Variants in FRYL observed in about 807,000 individuals in gnomAD.
The protein encoded by FRYL is protein furry homolog-like.
FRYL carries 150 observed loss-of-function variants against 351.2 expected under a neutral mutation model. The observed-to-expected ratio is 0.43, with a 90% CI of 0.37 to 0.49. The LOEUF is 0.49. Among genes scored for constraint, FRYL ranks in the 20% least tolerant of loss-of-function variants. The pLI, the probability that FRYL is intolerant of heterozygous loss-of-function variation, is 0.00. For synonymous variants in FRYL, 1,153 were observed against 1,257.1 expected (o/e 0.92, Z 1.75); for missense variants, 3,036 against 3,619.3 (o/e 0.84, Z 4.13).
chr4:48,592,283 T>C (rs918326414), intron 16 of FRYL, among the ~76,000 whole-genome samples: 1 of 151,870 alleles, frequency 6.6e-6, no homozygotes, highest in African/African-American at 2.4e-5. Context: ...TATACATTCT[T>C]TCAGTGTATT....
chr4:48,499,557 G>A lies in FRYL; in HGVS notation c.8907C>T (p.Asn2969=), dbSNP rs200446915. Residue 2969 remains asparagine (N), a synonymous_variant, in exon 64 of 64, where the codon AAC becomes AAT. Coordinates refer to ENST00000358350, the MANE Select transcript of FRYL (RefSeq NM_015030.2). ...TGTAGTTGGCTTCTGACATGTCCAG[G>A]TTAGAGCCTATAACTGCAAAGCTTC... is the stretch of plus-strand genomic sequence containing the variant. ...QTGSFAVIGS[N]LDMSEANYKL... 9 of 1,614,082 alleles carry A rather than the reference G, an allele frequency of 5.6e-6. No individual in the cohort carries two copies. The highest frequency in any genetic ancestry group is 7.6e-6 in the Non-Finnish European group (9 of 1,180,002).
chr4:48,510,788 G>A (rs1000653866), intron 58 of FRYL, 47 bp downstream of exon 58: 6 of 1,418,380 alleles, frequency 4.2e-6, no homozygotes, highest in Non-Finnish European at 5.9e-6. Flanking sequence ...ACTGAATGAT[G>A]CCATTCCAAT....
intron 53 of FRYL, among the ~76,000 whole-genome samples, chr4:48,527,084 G>A (rs1277499835): frequency 2.6e-5 from 4 of 152,176 alleles, no homozygotes; most frequent in Admixed American, 1.3e-4. Context: ...ATATGTACAT[G>A]AGAGTTGATG....
intron 3 of FRYL, among the ~76,000 whole-genome samples, chr4:48,678,507 CAAAAAAAAAAAAAA>C (rs10639089): frequency 1.4e-5 from 1 of 71,770 alleles, no homozygotes; most frequent in Non-Finnish European, 2.4e-5. Flanking sequence ...AACTCCATCT[CAAAAAAAAAAAAAA>C]AAAAAAAAAA....
chr4:48,765,796 C>T (rs956834922), intron 1 of FRYL, among the ~76,000 whole-genome samples: 9 of 152,022 alleles, frequency 5.9e-5, no homozygotes, highest in African/African-American at 2.2e-4. Flanking sequence ...AACTCAATAA[C>T]AACAGTAAAA....
chr4:48,615,112 C>G (rs1200308018), intron 7 of FRYL, among the ~76,000 whole-genome samples: 1 of 152,134 alleles, frequency 6.6e-6, no homozygotes, highest in African/African-American at 2.4e-5. Context: ...AGGCGTGAGC[C>G]ACCGCGCCCG....
intron 4 of FRYL, among the ~76,000 whole-genome samples, chr4:48,630,462 A>T (rs1752728223): frequency 6.6e-6 from 1 of 152,170 alleles, no homozygotes; most frequent in Non-Finnish European, 1.5e-5. Flanking sequence ...TCAGAAGAAG[A>T]TAGGTAAATG....
chr4:48,670,441 T>TATATAC (rs1157170612), intron 3 of FRYL, among the ~76,000 whole-genome samples: 1 of 150,296 alleles, frequency 6.7e-6, no homozygotes, highest in Admixed American at 6.7e-5. Context: ...TCGAAATATA[T>TATATAC]ATATACATAT....
At chr4:48,547,465 C>A (rs1270503218) in intron 41 of FRYL, 119 bp downstream of exon 41, 1 of 498,816 alleles carries the variant, frequency 2.0e-6, no homozygotes, top group Admixed American at 3.8e-5. Flanking sequence ...AATAATACAA[C>A]TACATTTTTA....
At position 48,565,520 on chromosome 4, in the gene FRYL, T is replaced by C. The variant is rs771641009; in HGVS notation, c.3330+11A>G. ...CTTAAGAAAAAAGAAATCAGGTTTC[T>C]AAGTAAATACCTTTAACGCACAGTA... On this transcript the variant is annotated intron_variant, in intron 29 of 63. Coordinates refer to ENST00000358350, the MANE Select transcript of FRYL (RefSeq NM_015030.2). 22 of 1,531,760 alleles carry C rather than the reference T, an allele frequency of 1.4e-5. No homozygotes were observed. Among genetic ancestry groups the C allele is most frequent in the Non-Finnish European group, 1.8e-5 (21 of 1,143,050 alleles). 94.9% of individuals were successfully genotyped at this position (1,531,760 alleles called of 1,614,324 possible).
intron 3 of FRYL, among the ~76,000 whole-genome samples, chr4:48,675,399 C>T (rs1487663722): frequency 6.6e-6 from 1 of 152,206 alleles, no homozygotes; most frequent in African/African-American, 2.4e-5. Flanking sequence ...GCTGGAGTTC[C>T]GGGTGGGCGT....
chr4:48,595,449 G>A (rs577840842), intron 15 of FRYL, 141 bp downstream of exon 15: 2 of 494,556 alleles, frequency 4.0e-6, no homozygotes, highest in East Asian at 6.7e-5. Flanking sequence ...TTCTTTCCAA[G>A]TGTGTAGATT....
At chr4:48,763,049 T>C (rs1774566995) in intron 1 of FRYL, among the ~76,000 whole-genome samples, 1 of 146,812 alleles carries the variant, frequency 6.8e-6, no homozygotes, top group African/African-American at 2.5e-5. Context: ...AAGAATTATG[T>C]TGACTGAATT....
chr4:48,539,680 C>T (rs1008384812), intron 47 of FRYL, among the ~76,000 whole-genome samples: 2 of 151,890 alleles, frequency 1.3e-5, no homozygotes, highest in African/African-American at 4.8e-5. Flanking sequence ...AGTAAATAAA[C>T]GAATGAATGA....
At chr4:48,738,204 G>A (rs963070185) in intron 1 of FRYL, among the ~76,000 whole-genome samples, 2 of 152,104 alleles carry the variant, frequency 1.3e-5, no homozygotes, top group Admixed American at 6.5e-5. Flanking sequence ...ATGTAGAAAA[G>A]CCAAAAGAAT....
At chr4:48,595,537 A>G (rs1249967460) in intron 15 of FRYL, 53 bp downstream of exon 15, 7 of 1,035,004 alleles carry the variant, frequency 6.8e-6, no homozygotes, top group Non-Finnish European at 9.9e-6. Context: ...AGTGATTACA[A>G]TAGATTACTC....
chr4:48,719,408 G>A (rs1462194942), intron 1 of FRYL, among the ~76,000 whole-genome samples: 2 of 151,506 alleles, frequency 1.3e-5, no homozygotes, highest in Non-Finnish European at 2.9e-5. Context: ...AGAGCCTCAC[G>A]TTTCTCAACT....
chr4:48,703,603 C>A (rs1482001277), intron 2 of FRYL, among the ~76,000 whole-genome samples: 8 of 152,194 alleles, frequency 5.3e-5, no homozygotes, highest in Admixed American at 5.2e-4. Context: ...TGACTTTTTT[C>A]CACCAAGCTA....
rs570888263 is a variant in FRYL at position 48,591,046 on chromosome 4, C to T, written c.1336-216G>A. 6.8e-4 allele frequency among the ~76,000 whole-genome samples: 104 copies of T among 152,276 alleles called. 1 individual carries two copies. In the South Asian group the frequency reaches 0.019, roughly 29 times the overall value. On this transcript the variant is annotated intron_variant, in intron 16 of 63. Coordinates refer to ENST00000358350, the MANE Select transcript of FRYL (RefSeq NM_015030.2). Reference sequence around the variant, plus strand: ...AATGCCACTCACTCACTTCTGAGGTCGACCAGCTTCCTTATTGTCTCTAAG... The same window carrying T: ...AATGCCACTCACTCACTTCTGAGGTTGACCAGCTTCCTTATTGTCTCTAAG...
Sources: allele counts gnomAD v4.1 joint callset (sites outside exome capture counted in the v4.1 genomes callset), GRCh38; gene constraint gnomAD v4.1.1; transcripts MANE v1.5; gene names NCBI Gene and HGNC (gene_info 2026-07-23, HGNC 2026-07-21).